Variants in GPC6 observed in about 807,000 individuals in gnomAD.
GPC6 encodes glypican 6, also known as glypican-6.
Under a neutral mutation model 55.2 loss-of-function variants are expected in GPC6, and 14 were observed. That is an observed-to-expected ratio of 0.25 (90% CI 0.17 to 0.40). GPC6 has a LOEUF of 0.40. Among genes scored for constraint, GPC6 ranks in the 10% least tolerant of loss-of-function variants. GPC6 has a pLI of 1.00. For synonymous variants in GPC6, 278 were observed against 259.6 expected, an observed-to-expected ratio of 1.07 and a Z score of -0.68; for missense variants, 641 against 708.5, an observed-to-expected ratio of 0.90 and a Z score of 1.08.
At chr13:93,710,524 G>T (rs187090932) in intron 2 of GPC6, among the ~76,000 whole-genome samples, 31 of 151,854 alleles carry the variant, frequency 2.0e-4, no homozygotes, top group Admixed American at 1.6e-3. Flanking sequence ...AAAACACAAT[G>T]GTGTTCCAAG....
At chr13:94,094,169 T>TA (rs529056918) in intron 4 of GPC6, among the ~76,000 whole-genome samples, 9 of 150,952 alleles carry the variant, frequency 6.0e-5, no homozygotes, top group Admixed American at 1.3e-4. Flanking sequence ...TTATTATGTC[T>TA]AAAAAAAAAT....
chr13:93,939,097 A>C (rs1878591294), intron 3 of GPC6, among the ~76,000 whole-genome samples: 1 of 150,890 alleles, frequency 6.6e-6, no homozygotes, highest in Admixed American at 6.6e-5. Flanking sequence ...ACGCTGTGTC[A>C]AAAAAAATAA....
chr13:93,298,345 A>C (rs965393601), intron 1 of GPC6, among the ~76,000 whole-genome samples: 1 of 152,186 alleles, frequency 6.6e-6, no homozygotes, highest in Non-Finnish European at 1.5e-5. Flanking sequence ...GCTTCTGCTT[A>C]TCTTCCCAGG....
Position 93,501,000 on chromosome 13 carries a change from C to T in GPC6, c.161-44263C>T, listed in dbSNP as rs558996818. Among the ~76,000 whole-genome samples the T allele has an allele frequency of 4.8e-4, 73 of 152,268 alleles. No individual in the cohort carries two copies. The South Asian group carries it at 8.9e-3, about 19-fold the overall frequency. On this transcript the variant is annotated intron_variant, in intron 1 of 8. Coordinates refer to ENST00000377047, the MANE Select transcript of GPC6 (RefSeq NM_005708.5). ...CAAGAACTTTTTGTTACTTTATGCA[C>T]ATTTTCTGTACTATCTGAGAGATGC... is the stretch of plus-strand genomic sequence containing the variant.
chr13:93,453,087 G>T (rs772251662), intron 1 of GPC6, among the ~76,000 whole-genome samples: 1 of 152,170 alleles, frequency 6.6e-6, no homozygotes, highest in Non-Finnish European at 1.5e-5. Flanking sequence ...TAAATCCATG[G>T]AGCCTTCAAA....
chr13:93,454,983 G>C (rs898125210), intron 1 of GPC6, among the ~76,000 whole-genome samples: 30 of 152,242 alleles, frequency 2.0e-4, no homozygotes, highest in African/African-American at 7.2e-4. Context: ...TCGGTGGGTT[G>C]GCACTGCTGG....
chr13:93,309,923 G>A (rs1358984483), intron 1 of GPC6, among the ~76,000 whole-genome samples: 1 of 152,170 alleles, frequency 6.6e-6, no homozygotes, highest in Admixed American at 6.5e-5. Flanking sequence ...ATTGTAAAAA[G>A]TGACCTGCTT....
At chr13:93,803,453 G>A (rs1886441818) in intron 2 of GPC6, among the ~76,000 whole-genome samples, 1 of 152,144 alleles carries the variant, frequency 6.6e-6, no homozygotes, top group Admixed American at 6.6e-5. Flanking sequence ...GTGGGAAAGT[G>A]GAAAAATTAA....
At chr13:93,476,870 A>G (rs2166243) in intron 1 of GPC6, among the ~76,000 whole-genome samples, 24,756 of 152,164 alleles carry the variant, frequency 0.16, 2,453 homozygotes, top group South Asian at 0.22. Flanking sequence ...TGACTATGAA[A>G]CATGATTATT....
At chr13:93,629,390 T>C (rs1879337911) in intron 2 of GPC6, among the ~76,000 whole-genome samples, 1 of 152,138 alleles carries the variant, frequency 6.6e-6, no homozygotes, top group Non-Finnish European at 1.5e-5. Context: ...AACACCATTA[T>C]TAGAAAACGG....
At chr13:94,150,389 T>A (rs1887695994) in intron 4 of GPC6, among the ~76,000 whole-genome samples, 1 of 152,108 alleles carries the variant, frequency 6.6e-6, no homozygotes, top group Non-Finnish European at 1.5e-5. Context: ...TCTGACCATC[T>A]TTCTCTTTAG....
rs554858946 is a variant in GPC6, at chr13:94,371,303, A to G, written c.1153-11111A>G. Reference sequence around the variant, plus strand: ...AATAGGAATTCTAATCCTGAATCACATTGAATCTCTTGCACACCCCCAGAG... The same window carrying G: ...AATAGGAATTCTAATCCTGAATCACGTTGAATCTCTTGCACACCCCCAGAG... On this transcript the variant is annotated intron_variant, in intron 6 of 8. Coordinates refer to ENST00000377047, the MANE Select transcript of GPC6 (RefSeq NM_005708.5). Among the ~76,000 whole-genome samples the G allele has an allele frequency of 2.0e-4, 30 of 152,292 alleles. No individual in the cohort carries two copies. In the East Asian group the frequency reaches 5.6e-3, roughly 28 times the overall value.
At chr13:93,718,054 A>G (rs1883314406) in intron 2 of GPC6, among the ~76,000 whole-genome samples, 4 of 151,900 alleles carry the variant, frequency 2.6e-5, no homozygotes, top group Admixed American at 2.0e-4. Context: ...TATTGTGAAT[A>G]ATGCTGCAAT....
intron 3 of GPC6, among the ~76,000 whole-genome samples, chr13:93,946,783 A>G (rs927910108): frequency 6.6e-6 from 1 of 152,136 alleles, no homozygotes; most frequent in Non-Finnish European, 1.5e-5. Flanking sequence ...TTTAGTTTCA[A>G]CTTGGGTTTT....
chr13:94,028,131 A>G (rs900724195), intron 4 of GPC6, among the ~76,000 whole-genome samples: 6 of 152,036 alleles, frequency 3.9e-5, no homozygotes, highest in Non-Finnish European at 1.5e-5. Context: ...TGGGCGTGGT[A>G]GCACACATCT....
intron 5 of GPC6, among the ~76,000 whole-genome samples, chr13:94,297,567 A>T (rs1365726006): frequency 6.6e-6 from 1 of 152,242 alleles, no homozygotes; most frequent in Non-Finnish European, 1.5e-5. Context: ...CTTCAGGGAA[A>T]AATATCTTCT....
At chr13:93,908,743 C>T (rs1174569593) in intron 3 of GPC6, among the ~76,000 whole-genome samples, 1 of 152,154 alleles carries the variant, frequency 6.6e-6, no homozygotes, top group Non-Finnish European at 1.5e-5. Context: ...TCCTCCATTT[C>T]TTTCTACTCC....
At chr13:93,820,459 T>C (rs1375731113) in intron 2 of GPC6, among the ~76,000 whole-genome samples, 1 of 152,110 alleles carries the variant, frequency 6.6e-6, no homozygotes, top group African/African-American at 2.4e-5. Context: ...TGTTACAGTA[T>C]TTTTAACAGC....
chr13:93,483,699 G>T (rs925576589), intron 1 of GPC6, among the ~76,000 whole-genome samples: 6 of 152,130 alleles, frequency 3.9e-5, no homozygotes, highest in Admixed American at 3.3e-4. Context: ...TTAGTCATAT[G>T]TGGTTTTATG....
Sources: allele counts gnomAD v4.1 joint callset (sites outside exome capture counted in the v4.1 genomes callset), GRCh38; gene constraint gnomAD v4.1.1; transcripts MANE v1.5; gene names NCBI Gene and HGNC (gene_info 2026-07-23, HGNC 2026-07-21).